FILIP1L: variants seen among roughly 807,000 people sequenced by gnomAD.
FILIP1L encodes filamin A-interacting protein 1-like.
FILIP1L carries 55 observed loss-of-function variants against 96.6 expected under a neutral mutation model. The ratio of observed to expected loss-of-function variants is 0.57; its 90% CI spans 0.46 to 0.71. The LOEUF is 0.71. FILIP1L is among the 30% of genes least tolerant of loss of function. The pLI is 0.00. For synonymous variants in FILIP1L, 467 were observed against 473.9 expected, an observed-to-expected ratio of 0.99 and a Z score of 0.19; for missense variants, 1,304 against 1,321.2, an observed-to-expected ratio of 0.99 and a Z score of 0.20.
chr3:99,944,348 C>T (rs1159906017), intron 1 of FILIP1L, among the ~76,000 whole-genome samples: 1 of 152,166 alleles, frequency 6.6e-6, no homozygotes, highest in Non-Finnish European at 1.5e-5. Flanking sequence ...CTTCTTGGTC[C>T]AAGCTGGCTA....
chr3:99,871,759 T>G (rs927899955), intron 4 of FILIP1L, among the ~76,000 whole-genome samples: 3 of 152,190 alleles, frequency 2.0e-5, no homozygotes, highest in Admixed American at 1.3e-4. Context: ...CCCAAATGTC[T>G]TTGACCACAG....
chr3:99,841,309 G>C (rs1400152714), intron 5 of FILIP1L, among the ~76,000 whole-genome samples: 4 of 152,206 alleles, frequency 2.6e-5, no homozygotes, highest in African/African-American at 9.7e-5. Context: ...TTATAAACTA[G>C]AGTTTTCAGA....
At chr3:99,971,512 G>A (rs930013873) in intron 1 of FILIP1L, among the ~76,000 whole-genome samples, 4 of 152,198 alleles carry the variant, frequency 2.6e-5, no homozygotes, top group African/African-American at 9.7e-5. Context: ...AGGTCTCACA[G>A]GAGATGCAGA....
intron 1 of FILIP1L, among the ~76,000 whole-genome samples, chr3:99,998,609 C>T (rs914865187): frequency 6.6e-6 from 1 of 152,220 alleles, no homozygotes; most frequent in Non-Finnish European, 1.5e-5. Context: ...AGCACCCATG[C>T]TGGAGTGCAG....
intron 1 of FILIP1L, among the ~76,000 whole-genome samples, chr3:100,023,104 G>A (rs1350166480): frequency 6.6e-6 from 1 of 152,218 alleles, no homozygotes; most frequent in Admixed American, 6.5e-5. Context: ...AAGAGATGGT[G>A]CCTGAGAATG....
chr3:99,891,059 T>C (rs1706068231), intron 4 of FILIP1L, among the ~76,000 whole-genome samples: 1 of 151,786 alleles, frequency 6.6e-6, no homozygotes, highest in Admixed American at 6.6e-5. Flanking sequence ...TGTTTTGTTT[T>C]TGTTTTTTTT....
chr3:99,939,027 T>G (rs1017630452), intron 1 of FILIP1L, among the ~76,000 whole-genome samples: 3 of 152,200 alleles, frequency 2.0e-5, no homozygotes, highest in Non-Finnish European at 2.9e-5. Context: ...TTAGTGATAT[T>G]TTTCCTTGTA....
chr3:99,837,019 T>C (rs1942927505), intron 5 of FILIP1L, among the ~76,000 whole-genome samples: 1 of 152,212 alleles, frequency 6.6e-6, no homozygotes, highest in Non-Finnish European at 1.5e-5. Flanking sequence ...CCTAAAAAAA[T>C]AGTAATAATC....
At chr3:99,906,927 G>A (rs768611231) in intron 4 of FILIP1L, among the ~76,000 whole-genome samples, 1 of 152,212 alleles carries the variant, frequency 6.6e-6, no homozygotes, top group Non-Finnish European at 1.5e-5. Flanking sequence ...TCATGTGGAT[G>A]AAGACAACTC....
intron 4 of FILIP1L, among the ~76,000 whole-genome samples, chr3:99,854,673 C>T (rs1382906407): frequency 2.4e-5 from 2 of 81,786 alleles, no homozygotes; most frequent in East Asian, 9.6e-4. Flanking sequence ...CAGACATTGC[C>T]AAATGTCTCC....
chr3:100,035,360 G>A (rs1298836458), intron 1 of FILIP1L, among the ~76,000 whole-genome samples: 5 of 152,056 alleles, frequency 3.3e-5, no homozygotes, highest in African/African-American at 4.8e-5. Context: ...TGCAACCCCC[G>A]CCTCCTGGGT....
intron 1 of FILIP1L, among the ~76,000 whole-genome samples, chr3:100,088,119 CTG>C (rs758493351): frequency 1.3e-5 from 2 of 152,162 alleles, no homozygotes; most frequent in Non-Finnish European, 2.9e-5. Context: ...GCATGAGCCA[CTG>C]CACCTGGCTC....
chr3:100,085,068 A>G (rs1057001139), intron 1 of FILIP1L, among the ~76,000 whole-genome samples: 4 of 152,138 alleles, frequency 2.6e-5, no homozygotes, highest in Non-Finnish European at 4.4e-5. Flanking sequence ...GAATCTCCTA[A>G]ACTAAGCCGT....
intron 1 of FILIP1L, among the ~76,000 whole-genome samples, chr3:99,958,134 T>C (rs939215744): frequency 6.7e-5 from 10 of 150,294 alleles, no homozygotes; most frequent in Non-Finnish European, 1.0e-4. Flanking sequence ...GTTTGTTACA[T>C]AGGTGAATCT....
At chr3:99,921,352 T>A (rs1707118608) in intron 4 of FILIP1L, among the ~76,000 whole-genome samples, 1 of 152,164 alleles carries the variant, frequency 6.6e-6, no homozygotes, top group Non-Finnish European at 1.5e-5. Flanking sequence ...ACTACTTTGA[T>A]GCACATGGCC....
In FILIP1L at chr3:100,032,512, G is replaced by A. The variant is rs147396705; in HGVS notation, c.-11+81541C>T. Among the ~76,000 whole-genome samples the A allele has an allele frequency of 4.6e-3, 706 of 152,236 alleles. 2 individuals carry two copies. The highest frequency in any genetic ancestry group is 7.1e-3 in the South Asian group (34 of 4,818). ...TGAAGTCTGTCTGAGGCAGAGAGGAGACAGCTAGCCGAATTCCCCTTTCGC... is the reference window on the plus strand; with the variant it reads ...TGAAGTCTGTCTGAGGCAGAGAGGAAACAGCTAGCCGAATTCCCCTTTCGC... On this transcript the variant is annotated intron_variant, in intron 1 of 5. Transcript: ENST00000477258.
At chr3:100,047,835 A>G (rs2065301426) in intron 1 of FILIP1L, among the ~76,000 whole-genome samples, 1 of 152,154 alleles carries the variant, frequency 6.6e-6, no homozygotes, top group Admixed American at 6.5e-5. Context: ...CATTTGAAAA[A>G]AAAAAGGAAG....
chr3:99,874,729 T>C (rs1013733092), intron 4 of FILIP1L, among the ~76,000 whole-genome samples: 122 of 152,240 alleles, frequency 8.0e-4, no homozygotes, highest in Non-Finnish European at 2.9e-4. Context: ...TATACAGATA[T>C]AACCCACATT....
chr3:99,936,819 A>T (rs530241108), intron 1 of FILIP1L, among the ~76,000 whole-genome samples: 2 of 152,232 alleles, frequency 1.3e-5, no homozygotes, highest in South Asian at 4.1e-4. Context: ...AAAGATATAC[A>T]TAGTAAAGGA....
Sources: allele counts gnomAD v4.1 joint callset (sites outside exome capture counted in the v4.1 genomes callset), GRCh38; gene constraint gnomAD v4.1.1; transcripts MANE v1.5; gene names NCBI Gene and HGNC (gene_info 2026-07-23, HGNC 2026-07-21).